The following IFT122 variants were observed in gnomAD, a reference collection of about 807,000 sequenced individuals.
IFT122 encodes intraflagellar transport 122.
In IFT122, 118 loss-of-function variants were observed where a neutral mutation model predicts 161.6. That is an observed-to-expected ratio of 0.73 (90% CI 0.63 to 0.85). The LOEUF is 0.85. Among genes scored for constraint, IFT122 ranks in the 40% least tolerant of loss-of-function variants. IFT122 has a pLI of 0.00. For synonymous variants in IFT122, 550 were observed against 602.4 expected (o/e 0.91, Z 1.27); for missense variants, 1,381 against 1,579.6 (o/e 0.87, Z 2.13).
chr3:129,512,391 C>T lies in IFT122; in HGVS notation c.2966C>T (p.Thr989Ile). The part of the protein sequence containing the change: ...RFLLHSLPKD[T>I]PSGISKVKIL... ...CTGCTGCACAGCCTGCCCAAGGACA[C>T]CCCCTCGGGCATCTCTAAAGTGTAT... The change falls in exon 24 of 30, where the codon ACC becomes ATC. Residue 989 changes from threonine (T) to isoleucine (I), a missense_variant. Coordinates refer to ENST00000348417, the MANE Select transcript of IFT122 (RefSeq NM_052989.3). 2 of 1,610,594 alleles carry T rather than the reference C, an allele frequency of 1.2e-6. No homozygotes were observed. Among genetic ancestry groups the T allele is most frequent in the African/African-American group, 1.3e-5 (1 of 74,942 alleles).
intron 22 of IFT122, 38 bp downstream of exon 22, chr3:129,506,587 C>T (rs1352141048): frequency 1.9e-6 from 3 of 1,613,554 alleles, no homozygotes; most frequent in African/African-American, 1.3e-5. Flanking sequence ...TTTCCCAAGC[C>T]CCACTCTGAC....
chr3:129,487,922 A>T, intron 15 of IFT122: 1 of 399,854 alleles, frequency 2.5e-6, no homozygotes, highest in Non-Finnish European at 4.8e-6. Context: ...CTTGAAAGCC[A>T]AATAGGTATT....
chr3:129,507,822 C>T (rs2082342264), intron 23 of IFT122, 60 bp downstream of exon 23: 3 of 1,274,662 alleles, frequency 2.4e-6, no homozygotes, highest in Non-Finnish European at 3.4e-6. Flanking sequence ...GGGTCCCGGG[C>T]ATATCTAAAG....
intron 9 of IFT122, among the ~76,000 whole-genome samples, chr3:129,469,899 C>T (rs975485176): frequency 1.3e-5 from 2 of 152,082 alleles, no homozygotes; most frequent in South Asian, 4.1e-4. Context: ...CACAGGCTGG[C>T]GGAGACACAC....
rs61557048 is a variant in IFT122 at position 129,454,513 on chromosome 3, T to TTGTGTGTGTGTGTGTG, written c.193+2544_193+2559dup. 2.2e-3 allele frequency among the ~76,000 whole-genome samples: 293 copies of TTGTGTGTGTGTGTGTG among 131,254 alleles called. 6 individuals are homozygous for TTGTGTGTGTGTGTGTG. The highest frequency in any genetic ancestry group is 7.2e-3 in the African/African-American group (239 of 32,974). The allele number at this position is 131,254 out of a possible 152,430, so 86.1% of individuals were successfully genotyped here. On this transcript the variant is annotated intron_variant, in intron 3 of 29. Transcript: ENST00000348417. Reference sequence around the variant, plus strand: ...GTGTGCTGTACCATGGTAGTCATATTTGTGTGTGTGTGTGTGTGTGTGTGT... The same window carrying TTGTGTGTGTGTGTGTG: ...GTGTGCTGTACCATGGTAGTCATATTTGTGTGTGTGTGTGTGTGTGTGTGTGTGTGTGTGTGTGTGT...
intron 7 of IFT122, among the ~76,000 whole-genome samples, chr3:129,465,076 C>T (rs1432811340): frequency 6.6e-6 from 1 of 150,808 alleles, no homozygotes; most frequent in Non-Finnish European, 1.5e-5. Context: ...TGTCTGCGCA[C>T]ATGTGCATGC....
Position 129,495,668 on chromosome 3 carries a change from G to A in IFT122, c.2208+61G>A, listed in dbSNP as rs66556397. The A allele has an allele frequency of 0.095, 150,770 of 1,580,046 alleles. 7,872 individuals carry two copies. Among genetic ancestry groups the A allele is most frequent in the Middle Eastern group, 0.15 (865 of 5,772 alleles). ...GGAGCCCACTGGTATTCTCACGTGCGGTGTCCAAGTTATTTTCCCCAAGAG... is the reference window on the plus strand; with the variant it reads ...GGAGCCCACTGGTATTCTCACGTGCAGTGTCCAAGTTATTTTCCCCAAGAG... On this transcript the variant is annotated intron_variant, in intron 18 of 29. Coordinates refer to ENST00000348417, the MANE Select transcript of IFT122 (RefSeq NM_052989.3).
At chr3:129,467,136 G>T (rs2076892490) in intron 8 of IFT122, 70 bp downstream of exon 8, 1 of 1,470,962 alleles carries the variant, frequency 6.8e-7, no homozygotes, top group Non-Finnish European at 9.4e-7. Flanking sequence ...TGCCAGGACA[G>T]ATGTTAAACT....
chr3:129,468,970 C>G (rs970382577), intron 8 of IFT122, among the ~76,000 whole-genome samples: 1 of 152,200 alleles, frequency 6.6e-6, no homozygotes, highest in African/African-American at 2.4e-5. Flanking sequence ...TGCCATCTCC[C>G]CACATTTTCT....
In IFT122 at chr3:129,504,305, G is replaced by T. The variant is rs1226821162; in HGVS notation, c.2548-14G>T. 6.2e-7 allele frequency: 1 copy of T among 1,605,030 alleles called. No homozygotes were observed. Among genetic ancestry groups the T allele is most frequent in the Non-Finnish European group, 8.5e-7 (1 of 1,172,084 alleles). On this transcript the variant is annotated splice_polypyrimidine_tract_variant and intron_variant, in intron 20 of 29. Coordinates refer to ENST00000348417, the MANE Select transcript of IFT122 (RefSeq NM_052989.3). ...GGGCAGCTTTATTAAGACTTCATTT[G>T]CTCCTTCCCCCAGGCCTTTGCTTTG...
rs867883858 is a variant in IFT122, at chr3:129,478,227, C to A, written c.1350+9C>A. 3.1e-6 allele frequency: 5 copies of A among 1,613,452 alleles called. No homozygotes were observed. Among genetic ancestry groups the A allele is most frequent in the Middle Eastern group, 3.3e-4 (2 of 6,062 alleles). On this transcript the variant is annotated intron_variant, in intron 12 of 29. Coordinates refer to ENST00000348417, the MANE Select transcript of IFT122 (RefSeq NM_052989.3). Reference sequence around the variant, plus strand: ...ACATCATCCTGTGCCAGGTGGGCAGCAGCATGTTGAAGGAGTTGGGCTGAA... The same window carrying A: ...ACATCATCCTGTGCCAGGTGGGCAGAAGCATGTTGAAGGAGTTGGGCTGAA...
chr3:129,519,653 G>A lies in IFT122; in HGVS notation c.3557G>A (p.Trp1186Ter). ...CGCCGGGATGTCCTCATCAAGCGATGGCCCCCACCCCTGAGGTGGCAATAC... is the reference window on the plus strand; with the variant it reads ...CGCCGGGATGTCCTCATCAAGCGATAGCCCCCACCCCTGAGGTGGCAATAC... ...MSRRDVLIKR[W>*]PPPLRWQYFR... The change falls in exon 29 of 30, where the codon TGG becomes TAG. Residue 1186 changes from tryptophan to a stop codon, truncating the protein, a stop_gained. Coordinates refer to ENST00000348417, the MANE Select transcript of IFT122 (RefSeq NM_052989.3). LOFTEE classifies it high-confidence loss of function. 6.2e-7 allele frequency: 1 copy of A among 1,613,688 alleles called. No homozygotes were observed. The highest frequency in any genetic ancestry group is 8.5e-7 in the Non-Finnish European group (1 of 1,180,016).
intron 3 of IFT122, among the ~76,000 whole-genome samples, chr3:129,453,268 T>A (rs1016578497): frequency 6.6e-6 from 1 of 151,946 alleles, no homozygotes; most frequent in African/African-American, 2.4e-5. Flanking sequence ...AGGAATCTAA[T>A]GGAAATTCTC....
At chr3:129,444,545 C>T (rs550236478) in intron 1 of IFT122, among the ~76,000 whole-genome samples, 1 of 150,838 alleles carries the variant, frequency 6.6e-6, no homozygotes, top group African/African-American at 2.4e-5. Context: ...TTTTTTGAGA[C>T]AGAGTCTCGC....
chr3:129,442,781 C>A (rs1211533054), intron 1 of IFT122, among the ~76,000 whole-genome samples: 1 of 152,176 alleles, frequency 6.6e-6, no homozygotes, highest in Admixed American at 6.5e-5. Context: ...TTCCCAATTA[C>A]TTTCCATGTC....
intron 18 of IFT122, among the ~76,000 whole-genome samples, chr3:129,497,818 T>G (rs1408983690): frequency 1.3e-5 from 2 of 150,764 alleles, no homozygotes; most frequent in Non-Finnish European, 3.0e-5. Context: ...TAGTCCTGAT[T>G]AACGTGGCAT....
chr3:129,454,183 C>T (rs934033083), intron 3 of IFT122, among the ~76,000 whole-genome samples: 1 of 152,028 alleles, frequency 6.6e-6, no homozygotes, highest in East Asian at 1.9e-4. Flanking sequence ...TAATTTTAGT[C>T]TGATTAGTCC....
Position 129,506,215 on chromosome 3 carries a change from C to G in IFT122, c.2651-194C>G, listed in dbSNP as rs182897945. Among the ~76,000 whole-genome samples, 18 of 152,336 alleles carry G rather than the reference C, an allele frequency of 1.2e-4. No homozygotes were observed. The East Asian group carries it at 3.5e-3, about 29-fold the overall frequency. On this transcript the variant is annotated intron_variant, in intron 21 of 29. Transcript: ENST00000348417. ...TTTTCCCAGCCAAAAAGGAATTTAT[C>G]TCACTGTACTTTTTCCAGGATGTAG...
intron 9 of IFT122, among the ~76,000 whole-genome samples, chr3:129,475,930 G>A (rs1395881860): frequency 6.6e-6 from 1 of 152,232 alleles, no homozygotes; most frequent in African/African-American, 2.4e-5. Flanking sequence ...AAAAGGCGGA[G>A]AAAAGAAGCT....
Sources: gnomAD v4.1 joint callset for allele counts (sites outside exome capture counted in the v4.1 genomes callset) on GRCh38, gnomAD v4.1.1 for gene constraint, MANE v1.5 for transcripts, NCBI Gene and HGNC (gene_info 2026-07-23, HGNC 2026-07-21) for gene names.